MTSS1: variants seen among roughly 807,000 people sequenced by gnomAD.
The protein encoded by MTSS1 is protein MTSS 1.
Under a neutral mutation model 79.0 loss-of-function variants are expected in MTSS1, and 18 were observed. The observed-to-expected ratio is 0.23, with a 90% CI of 0.16 to 0.34. The LOEUF is 0.34. Among genes scored for constraint, MTSS1 ranks in the 10% least tolerant of loss-of-function variants. MTSS1 has a pLI of 1.00. For missense variants in MTSS1, 815 were observed against 986.2 expected (o/e 0.83, Z 2.33); for synonymous variants, 341 against 368.6 (o/e 0.93, Z 0.86).
At position 124,556,266 on chromosome 8, in the gene MTSS1, C is replaced by G. The variant is rs1196622162; in HGVS notation, c.1370G>C (p.Arg457Thr). 1.2e-6 allele frequency: 2 copies of G among 1,614,112 alleles called. No individual in the cohort carries two copies. The highest frequency in any genetic ancestry group is 1.7e-6 in the Non-Finnish European group (2 of 1,180,040). The stretch of plus-strand genomic sequence containing the variant: ...AGCCGATACAGTCATGCTCCGTGGT[C>G]TCTGAGCCTCCTCAGCTGCTGCAGG... ...GPPAAAEEAQ[R>T]PRSMTVSAAT... The change falls in exon 12 of 14, where the codon AGA becomes ACA. Residue 457 changes from arginine to threonine, a missense_variant. Transcript: ENST00000518547.
intron 3 of MTSS1, among the ~76,000 whole-genome samples, chr8:124,616,250 T>C (rs1836829450): frequency 6.6e-6 from 1 of 152,066 alleles, no homozygotes; most frequent in African/African-American, 2.4e-5. Flanking sequence ...AAGGAGAGCC[T>C]ATGTTTATTT....
At chr8:124,557,191 C>T (rs1440074255) in intron 11 of MTSS1, among the ~76,000 whole-genome samples, 1 of 152,156 alleles carries the variant, frequency 6.6e-6, no homozygotes, top group Non-Finnish European at 1.5e-5. Context: ...AACATGATCA[C>T]CCCAAACCTG....
intron 3 of MTSS1, among the ~76,000 whole-genome samples, chr8:124,658,509 A>G (rs946783267): frequency 6.6e-6 from 1 of 152,168 alleles, no homozygotes; most frequent in East Asian, 1.9e-4. Context: ...GGACTAACAC[A>G]TTGGATAATT....
chr8:124,586,026 C>T (rs1036784559), intron 5 of MTSS1, among the ~76,000 whole-genome samples: 4 of 152,132 alleles, frequency 2.6e-5, no homozygotes, highest in Admixed American at 2.6e-4. Flanking sequence ...CCAAGTGCAC[C>T]ACATCCCCTG....
intron 3 of MTSS1, among the ~76,000 whole-genome samples, chr8:124,628,701 T>A (rs901528452): frequency 6.6e-6 from 1 of 152,216 alleles, no homozygotes. Flanking sequence ...GTTGCATGGA[T>A]TAAATGCCTA....
At chr8:124,596,181 T>C (rs1208943691) in intron 3 of MTSS1, among the ~76,000 whole-genome samples, 5 of 152,208 alleles carry the variant, frequency 3.3e-5, no homozygotes, top group Non-Finnish European at 7.3e-5. Flanking sequence ...TGCAAGCATA[T>C]TCATTTTCTT....
At chr8:124,671,045 C>CTTTTTTT in intron 3 of MTSS1, among the ~76,000 whole-genome samples, 1 of 150,460 alleles carries the variant, frequency 6.6e-6, no homozygotes, top group Non-Finnish European at 1.5e-5. Context: ...TTTCTTTTTT[C>CTTTTTTT]TTTTTCTTTT....
rs200915660 is a variant in MTSS1 at position 124,683,168 on chromosome 8, G to GA, written c.208+16357dup. Among the ~76,000 whole-genome samples the GA allele has an allele frequency of 6.6e-6, 1 of 150,776 alleles. No homozygotes were observed. The highest frequency in any genetic ancestry group is 1.9e-4 in the East Asian group (1 of 5,166). On this transcript the variant is annotated intron_variant, in intron 3 of 13. Coordinates refer to ENST00000518547, the MANE Select transcript of MTSS1 (RefSeq NM_014751.6). This position sits in a 1 kb window ranked among gnomAD's most constrained non-coding sequence, Gnocchi z 4.5. ...CCATTTAAAGTAAGCAAAAAAAAAA[G>GA]AAAAAAAGTTTCTTATACACAAATG...
chr8:124,716,043 T>C (rs10956199), intron 1 of MTSS1, among the ~76,000 whole-genome samples: 118,650 of 152,182 alleles, frequency 0.78, 46,708 homozygotes, highest in African/African-American at 0.9. Flanking sequence ...GACTGGGCCA[T>C]GAATGGGCAC....
chr8:124,682,822 G>A (rs57114580), intron 3 of MTSS1, among the ~76,000 whole-genome samples: 5,010 of 152,262 alleles, frequency 0.033, 274 homozygotes, highest in African/African-American at 0.11. Context: ...TGACAATGAT[G>A]GAATATGGCA....
intron 3 of MTSS1, among the ~76,000 whole-genome samples, chr8:124,671,895 G>A (rs957187255): frequency 6.6e-5 from 10 of 152,148 alleles, no homozygotes; most frequent in Non-Finnish European, 1.0e-4. Context: ...GTGCAGGCAA[G>A]GCAAAAGCTC....
At chr8:124,671,412 A>G (rs115362987) in intron 3 of MTSS1, among the ~76,000 whole-genome samples, 3,115 of 151,964 alleles carry the variant, frequency 0.02, 122 homozygotes, top group African/African-American at 0.07. Context: ...CTTTCCACCC[A>G]CTTGCCAAGT....
At chr8:124,606,178 T>G (rs868686191) in intron 3 of MTSS1, among the ~76,000 whole-genome samples, 59 of 148,648 alleles carry the variant, frequency 4.0e-4, no homozygotes, top group South Asian at 1.1e-3. Flanking sequence ...TTTGTTTTTT[T>G]TTTTTTTTTT....
At chr8:124,660,317 A>C (rs1254218792) in intron 3 of MTSS1, among the ~76,000 whole-genome samples, 1 of 152,152 alleles carries the variant, frequency 6.6e-6, no homozygotes, top group Non-Finnish European at 1.5e-5. Context: ...CCTTCGAAAG[A>C]AGCAGCACTT....
intron 3 of MTSS1, among the ~76,000 whole-genome samples, chr8:124,602,207 A>ATATATACATATAT: frequency 1.4e-5 from 2 of 142,224 alleles, no homozygotes; most frequent in Admixed American, 6.9e-5. Flanking sequence ...ATATATATAT[A>ATATATACATATAT]ATTTTTTTTT....
At chr8:124,677,193 AT>A (rs543936916) in intron 3 of MTSS1, among the ~76,000 whole-genome samples, 159 of 152,100 alleles carry the variant, frequency 1.0e-3, no homozygotes, top group Middle Eastern at 6.8e-3. Flanking sequence ...CAGGGAGAAA[AT>A]TTTTTTTAAG....
At chr8:124,661,590 A>G (rs1004231741) in intron 3 of MTSS1, among the ~76,000 whole-genome samples, 1 of 152,228 alleles carries the variant, frequency 6.6e-6, no homozygotes, top group African/African-American at 2.4e-5. Flanking sequence ...GCCACGCCAA[A>G]GGTGCAGACA....
intron 5 of MTSS1, among the ~76,000 whole-genome samples, chr8:124,586,480 T>C (rs1457186574): frequency 1.3e-5 from 2 of 152,174 alleles, no homozygotes; most frequent in African/African-American, 4.8e-5. Context: ...TGGGGCTCCC[T>C]GTATCTCTCT....
intron 3 of MTSS1, among the ~76,000 whole-genome samples, chr8:124,600,435 G>C (rs1338249907): frequency 6.6e-6 from 1 of 152,222 alleles, no homozygotes; most frequent in Non-Finnish European, 1.5e-5. Context: ...TGCTGGTGAA[G>C]CCTACAACCC....
Sources: gnomAD v4.1 joint callset for allele counts (sites outside exome capture counted in the v4.1 genomes callset) on GRCh38, gnomAD v4.1.1 for gene constraint, Gnocchi (gnomAD v3.1) non-coding constraint, MANE v1.5 for transcripts, NCBI Gene and HGNC (gene_info 2026-07-23, HGNC 2026-07-21) for gene names.